Variants in TMEM87B observed in about 807,000 individuals in gnomAD.
TMEM87B encodes the protein transmembrane protein 87B.
TMEM87B carries 83 observed loss-of-function variants against 80.3 expected under a neutral mutation model. The observed-to-expected ratio is 1.03, with a 90% CI of 0.87 to 1.24. The LOEUF (loss-of-function observed/expected upper bound fraction) is 1.24, where lower values mean the gene tolerates loss of function less well. TMEM87B is among the 50% of genes most tolerant of loss of function. The pLI, the probability that TMEM87B is intolerant of heterozygous loss-of-function variation, is 0.00. For missense variants in TMEM87B, 625 were observed against 674.4 expected, an observed-to-expected ratio of 0.93 and a Z score of 0.81; for synonymous variants, 219 against 230.5, an observed-to-expected ratio of 0.95 and a Z score of 0.45.
At chr2:112,084,223 T>C (rs1284334757) in intron 8 of TMEM87B, among the ~76,000 whole-genome samples, 1 of 152,178 alleles carries the variant, frequency 6.6e-6, no homozygotes, top group Non-Finnish European at 1.5e-5. Flanking sequence ...AGACAGCCCA[T>C]GGAGGGATTG....
At position 112,069,574 on chromosome 2, in the gene TMEM87B, G is replaced by C. The variant is rs146841508; in HGVS notation, c.450+2507G>C. Reference sequence around the variant, plus strand: ...TCTTTATCCAGTCTACCATTGATGGGAATTTAGGTTGATTCCATATCTTTG... The same window carrying C: ...TCTTTATCCAGTCTACCATTGATGGCAATTTAGGTTGATTCCATATCTTTG... On this transcript the variant is annotated intron_variant, in intron 4 of 18. Transcript: ENST00000283206. Among the ~76,000 whole-genome samples, 337 of 152,264 alleles carry C rather than the reference G, an allele frequency of 2.2e-3. 3 individuals are homozygous for C. The highest frequency in any genetic ancestry group is 7.8e-3 in the African/African-American group (325 of 41,546).
chr2:112,058,766 A>G (rs1678159505), intron 1 of TMEM87B, among the ~76,000 whole-genome samples: 1 of 152,236 alleles, frequency 6.6e-6, no homozygotes, highest in Non-Finnish European at 1.5e-5. Flanking sequence ...TTAGGCAGGA[A>G]ATGCAGAGGG....
chr2:112,077,349 TGA>T, intron 6 of TMEM87B, 67 bp downstream of exon 6: 1 of 737,244 alleles, frequency 1.4e-6, no homozygotes, highest in Non-Finnish European at 2.2e-6. Context: ...GTCACTGACC[TGA>T]GTCAACATTC....
At chr2:112,072,079 C>T (rs1002475706) in intron 4 of TMEM87B, among the ~76,000 whole-genome samples, 1 of 152,134 alleles carries the variant, frequency 6.6e-6, no homozygotes, top group South Asian at 2.1e-4. Context: ...TGTAATAAAT[C>T]ATGTTTATTG....
chr2:112,067,136 T>A, intron 4 of TMEM87B, 69 bp downstream of exon 4: 1 of 1,554,674 alleles, frequency 6.4e-7, no homozygotes, highest in East Asian at 2.3e-5. Flanking sequence ...ACTGAAGTAA[T>A]GTTTTATCGG....
chr2:112,075,522 A>G (rs1057370146), intron 5 of TMEM87B, among the ~76,000 whole-genome samples: 1 of 152,252 alleles, frequency 6.6e-6, no homozygotes, highest in African/African-American at 2.4e-5. Flanking sequence ...TCTTTAAAAA[A>G]TAAAATTCCC....
intron 18 of TMEM87B, among the ~76,000 whole-genome samples, chr2:112,113,148 G>A (rs1322137012): frequency 1.3e-5 from 2 of 152,192 alleles, no homozygotes; most frequent in African/African-American, 4.8e-5. Flanking sequence ...TGAAGGAAAT[G>A]AAGGGTTATT....
intron 16 of TMEM87B, among the ~76,000 whole-genome samples, chr2:112,106,868 TAAAC>T (rs1373631503): frequency 6.6e-6 from 1 of 152,114 alleles, no homozygotes; most frequent in East Asian, 1.9e-4. Flanking sequence ...GATGGATAAA[TAAAC>T]AAGATGGATA....
Position 112,118,519 on chromosome 2 carries a change from T to C in TMEM87B, c.*2376T>C, listed in dbSNP as rs1680081693. ...ATTCATTCATACGATGTGTGAAATTTGCTTAAAAGGGAATTTTCATGATTT... is the reference window on the plus strand; with the variant it reads ...ATTCATTCATACGATGTGTGAAATTCGCTTAAAAGGGAATTTTCATGATTT... On this transcript the variant is annotated 3_prime_UTR_variant, in exon 19 of 19. Coordinates refer to ENST00000283206, the MANE Select transcript of TMEM87B (RefSeq NM_032824.3). 6.6e-6 allele frequency: 1 copy of C among 152,236 alleles called. No individual in the cohort carries two copies. The highest frequency in any genetic ancestry group is 6.5e-5 in the Admixed American group (1 of 15,286). The allele number at this position is 152,236 out of a possible 1,614,324, so 9.4% of individuals were successfully genotyped here.
At chr2:112,103,041 G>A (rs1679671890) in intron 15 of TMEM87B, among the ~76,000 whole-genome samples, 1 of 152,158 alleles carries the variant, frequency 6.6e-6, no homozygotes, top group African/African-American at 2.4e-5. Flanking sequence ...AGGCAACATG[G>A]TTATGTATGG....
At position 112,089,677 on chromosome 2, in the gene TMEM87B, T is replaced by G; in HGVS notation, c.991T>G (p.Leu331Val). ...HRVIGLGLLY[L>V]IFAAVEGVMR... ...GGTGATCGGACTGGGGCTTCTATAC[T>G]TAATCTTTGCAGCTGTTGAAGGCGT... Residue 331 changes from leucine to valine, a missense_variant, in exon 10 of 19, where the codon TTA becomes GTA. Coordinates refer to ENST00000283206, the MANE Select transcript of TMEM87B (RefSeq NM_032824.3). The G allele has an allele frequency of 6.2e-7, 1 of 1,614,198 alleles. No individual in the cohort carries two copies. The highest frequency in any genetic ancestry group is 8.5e-7 in the Non-Finnish European group (1 of 1,180,010).
intron 11 of TMEM87B, chr2:112,095,116 CTTT>C (rs1679419424): frequency 1.1e-6 from 1 of 923,494 alleles, no homozygotes; most frequent in South Asian, 5.0e-5. Context: ...CCTTCCTCCC[CTTT>C]TTTTCTTCTT....
intron 8 of TMEM87B, 140 bp downstream of exon 8, chr2:112,081,658 A>G: frequency 1.4e-6 from 1 of 707,876 alleles, no homozygotes; most frequent in Non-Finnish European, 2.2e-6. Context: ...AGCCAAGGAA[A>G]GAATGTCAGA....
intron 17 of TMEM87B, among the ~76,000 whole-genome samples, chr2:112,111,644 G>A (rs1679920192): frequency 6.6e-6 from 1 of 152,104 alleles, no homozygotes; most frequent in Admixed American, 6.5e-5. Flanking sequence ...TACATAGCAA[G>A]TTTAGTATTT....
At chr2:112,105,895 C>A in intron 15 of TMEM87B, 107 bp from the exon 16 acceptor site, 1 of 703,062 alleles carries the variant, frequency 1.4e-6, no homozygotes, top group South Asian at 3.4e-5. Context: ...CATTATTAAC[C>A]CTCCATTTCT....
intron 11 of TMEM87B, 35 bp from the exon 12 acceptor site, chr2:112,097,009 T>A (rs768182315): frequency 1.3e-4 from 176 of 1,383,812 alleles, no homozygotes; most frequent in Non-Finnish European, 1.8e-4. Context: ...AACCTCTTAT[T>A]ATTACTTGGA....
chr2:112,089,558 T>G, intron 9 of TMEM87B, 67 bp from the exon 10 acceptor site: 1 of 1,373,888 alleles, frequency 7.3e-7, no homozygotes, highest in Non-Finnish European at 1.0e-6. Context: ...TGCCAGTTAC[T>G]GTATTCAGGT....
At chr2:112,063,056 T>C (rs567444312) in intron 2 of TMEM87B, among the ~76,000 whole-genome samples, 1 of 152,348 alleles carries the variant, frequency 6.6e-6, no homozygotes, top group African/African-American at 2.4e-5. Context: ...CTTGAATCTC[T>C]GGTCTCAGTT....
intron 4 of TMEM87B, among the ~76,000 whole-genome samples, chr2:112,074,050 T>G (rs1472483458): frequency 6.6e-6 from 1 of 152,232 alleles, no homozygotes; most frequent in Non-Finnish European, 1.5e-5. Flanking sequence ...TTTATCCAGC[T>G]TGACATTCTG....
Sources: allele counts gnomAD v4.1 joint callset (sites outside exome capture counted in the v4.1 genomes callset), GRCh38; gene constraint gnomAD v4.1.1; transcripts MANE v1.5; gene names NCBI Gene and HGNC (gene_info 2026-07-23, HGNC 2026-07-21).